The following CDCA7L variants were observed in gnomAD, a reference collection of about 807,000 sequenced individuals.
CDCA7L encodes the protein cell division cycle associated 7 like, also known as cell division cycle-associated 7-like protein.
A neutral mutation model predicts 57.4 loss-of-function variants in CDCA7L; 44 were observed. The ratio of observed to expected loss-of-function variants is 0.77; its 90% CI spans 0.60 to 0.98. The LOEUF is 0.98. Among genes scored for constraint, CDCA7L ranks in the 50% least tolerant of loss-of-function variants. The pLI, the probability that CDCA7L is intolerant of heterozygous loss-of-function variation, is 0.00. For synonymous variants in CDCA7L, 236 were observed against 202.8 expected (o/e 1.16, Z -1.39); for missense variants, 644 against 580.6 (o/e 1.11, Z -1.12).
At chr7:21,921,495 AAC>A in intron 1 of CDCA7L, among the ~76,000 whole-genome samples, 1 of 152,280 alleles carries the variant, frequency 6.6e-6, no homozygotes, top group Admixed American at 6.5e-5. Flanking sequence ...CCAGTTCCAC[AAC>A]ACAGTGATAC....
intron 1 of CDCA7L, among the ~76,000 whole-genome samples, chr7:21,927,445 G>A (rs1210954711): frequency 6.6e-6 from 1 of 152,156 alleles, no homozygotes; most frequent in East Asian, 1.9e-4. Context: ...TGAAGATAAT[G>A]CATTTGAAAA....
rs149315026 is a variant in CDCA7L at position 21,913,945 on chromosome 7, C to CA, written c.166-2192dup. Reference sequence around the variant, plus strand: ...TGCCAATCTCCACTCCACACTGCTCCACTGCATTCTGAGTTAGAAACCCTG... The same window carrying CA: ...TGCCAATCTCCACTCCACACTGCTCCAACTGCATTCTGAGTTAGAAACCCTG... On this transcript the variant is annotated intron_variant, in intron 2 of 9. Transcript: ENST00000406877. Among the ~76,000 whole-genome samples the CA allele has an allele frequency of 3.3e-3, 505 of 152,330 alleles. 1 individual carries two copies. The highest frequency in any genetic ancestry group is 0.011 in the African/African-American group (475 of 41,572).
rs1400420044 is a variant in CDCA7L, at chr7:21,901,287, A to C, written c.*1035T>G. 5.1e-6 allele frequency: 8 copies of C among 1,566,866 alleles called. No homozygotes were observed. In the Admixed American group the frequency reaches 1.5e-4, roughly 29 times the overall value. Reference sequence around the variant, plus strand: ...CTGGCATTCCTCTAGCCTCTGCTGGAGTGCAGTGAGGATTTTCTAGCATGT... The same window carrying C: ...CTGGCATTCCTCTAGCCTCTGCTGGCGTGCAGTGAGGATTTTCTAGCATGT... On this transcript the variant is annotated 3_prime_UTR_variant, in exon 10 of 10. Coordinates refer to ENST00000406877, the MANE Select transcript of CDCA7L (RefSeq NM_018719.5).
intron 8 of CDCA7L, 141 bp from the exon 9 acceptor site, chr7:21,903,255 C>T: frequency 2.7e-6 from 2 of 744,212 alleles, no homozygotes; most frequent in Middle Eastern, 2.6e-4. Context: ...TCCCAGGGGG[C>T]TCCTCACAAG....
chr7:21,944,290 A>T (rs1562640772), intron 1 of CDCA7L, among the ~76,000 whole-genome samples: 1 of 151,216 alleles, frequency 6.6e-6, no homozygotes, highest in Non-Finnish European at 1.5e-5. Context: ...AAAAAAAAAA[A>T]AATACAAAAA....
chr7:21,908,067 G>C, intron 4 of CDCA7L, 63 bp downstream of exon 4: 1 of 1,483,418 alleles, frequency 6.7e-7, no homozygotes. Context: ...GTGGTTCTGG[G>C]AGCCCAGCAA....
chr7:21,901,537 CCCT>C lies in CDCA7L; in HGVS notation c.*782_*784del. ...TGAGCCGAGGTTGCACCACTGCACTCCCTCCTGGGCAACAGAACAAGACTCCAT... is the reference window on the plus strand; with the variant it reads ...TGAGCCGAGGTTGCACCACTGCACTCCCTGGGCAACAGAACAAGACTCCAT... On this transcript the variant is annotated 3_prime_UTR_variant, in exon 10 of 10. Coordinates refer to ENST00000406877, the MANE Select transcript of CDCA7L (RefSeq NM_018719.5). 1 of 247,116 alleles carries C rather than the reference CCCT, an allele frequency of 4.0e-6. No homozygotes were observed. The allele number at this position is 247,116 out of a possible 1,614,324, so 15.3% of individuals were successfully genotyped here.
At chr7:21,934,837 A>G (rs1786116507) in intron 1 of CDCA7L, among the ~76,000 whole-genome samples, 1 of 152,240 alleles carries the variant, frequency 6.6e-6, no homozygotes, top group Admixed American at 6.5e-5. Context: ...ACAGATTGAT[A>G]AAAGAGCCAA....
chr7:21,903,544 T>C (rs545029986), intron 8 of CDCA7L, among the ~76,000 whole-genome samples: 6 of 146,444 alleles, frequency 4.1e-5, no homozygotes, highest in South Asian at 2.2e-4. Context: ...GGACCATATA[T>C]TTACCCCATG....
chr7:21,940,680 T>C (rs1341312810), intron 1 of CDCA7L, among the ~76,000 whole-genome samples: 2 of 152,214 alleles, frequency 1.3e-5, no homozygotes, highest in African/African-American at 4.8e-5. Flanking sequence ...GCAGTCACCC[T>C]GGAGAACCTG....
intron 2 of CDCA7L, among the ~76,000 whole-genome samples, chr7:21,912,901 T>C (rs933481801): frequency 6.6e-6 from 1 of 152,114 alleles, no homozygotes; most frequent in African/African-American, 2.4e-5. Flanking sequence ...CCAACTCTCT[T>C]AATAGTATAC....
At position 21,908,208 on chromosome 7, in the gene CDCA7L, A is replaced by G. The variant is rs1434325594; in HGVS notation, c.603T>C (p.Asp201=). 6.2e-7 allele frequency: 1 copy of G among 1,611,002 alleles called. No individual in the cohort carries two copies. The highest frequency in any genetic ancestry group is 8.5e-7 in the Non-Finnish European group (1 of 1,179,430). The part of the protein sequence containing the change: ...QREDSTSESE[D]DSRDESQESS... ...TCTCCTGGCTCTCATCCCGAGAGTC[A>G]TCCTCAGACTCAGAGGTAGAATCTT... Residue 201 remains aspartate, a synonymous_variant, in exon 4 of 10, where the codon GAT becomes GAC. Transcript: ENST00000406877.
chr7:21,917,691 T>G (rs1382256160), intron 1 of CDCA7L, among the ~76,000 whole-genome samples: 2 of 152,246 alleles, frequency 1.3e-5, no homozygotes, highest in Non-Finnish European at 2.9e-5. Context: ...ACCATGGGCA[T>G]TTGCTGATAT....
intron 9 of CDCA7L, 178 bp downstream of exon 9, chr7:21,902,800 A>G: frequency 3.3e-6 from 2 of 597,850 alleles, no homozygotes; most frequent in South Asian, 5.4e-5. Context: ...AGATTCCCTA[A>G]TAGGGAAAAT....
intron 1 of CDCA7L, among the ~76,000 whole-genome samples, chr7:21,942,207 T>A (rs1209022786): frequency 1.3e-5 from 2 of 152,234 alleles, no homozygotes; most frequent in African/African-American, 4.8e-5. Flanking sequence ...TTATTTGAAC[T>A]AAAGCTCAGG....
At position 21,904,109 on chromosome 7, in the gene CDCA7L, C is replaced by G; in HGVS notation, c.1197+1G>C. ...ACAACAAATGCAAACACTGTTCCTA[C>G]CGGGTCCAGCAATGCCGATCTGACA... On this transcript the variant is annotated splice_donor_variant, in intron 8 of 9. Coordinates refer to ENST00000406877, the MANE Select transcript of CDCA7L (RefSeq NM_018719.5). LOFTEE classifies it high-confidence loss of function. 6.3e-7 allele frequency: 1 copy of G among 1,593,884 alleles called. No individual in the cohort carries two copies. Among genetic ancestry groups the G allele is most frequent in the Non-Finnish European group, 8.5e-7 (1 of 1,171,464 alleles).
At chr7:21,931,372 T>G (rs1479506058) in intron 1 of CDCA7L, among the ~76,000 whole-genome samples, 2 of 152,184 alleles carry the variant, frequency 1.3e-5, no homozygotes, top group Non-Finnish European at 2.9e-5. Flanking sequence ...GATTTTCACA[T>G]TGGCAATAAA....
chr7:21,933,339 A>G (rs1027362637), intron 1 of CDCA7L, among the ~76,000 whole-genome samples: 4 of 152,210 alleles, frequency 2.6e-5, no homozygotes, highest in African/African-American at 9.6e-5. Context: ...TACTATAAAG[A>G]CACATGCACA....
chr7:21,912,277 G>A (rs552805122), intron 2 of CDCA7L, among the ~76,000 whole-genome samples: 8 of 152,240 alleles, frequency 5.3e-5, no homozygotes, highest in African/African-American at 1.9e-4. Context: ...CCGGGTGACA[G>A]AGTGAGACCC....
Sources: allele counts gnomAD v4.1 joint callset (sites outside exome capture counted in the v4.1 genomes callset), GRCh38; gene constraint gnomAD v4.1.1; transcripts MANE v1.5; gene names NCBI Gene and HGNC (gene_info 2026-07-23, HGNC 2026-07-21).